The following PCDHA7 variants were observed in gnomAD, a reference collection of about 807,000 sequenced individuals.
PCDHA7 encodes the protein protocadherin alpha-7.
Under a neutral mutation model 57.2 loss-of-function variants are expected in PCDHA7, and 37 were observed. That is an observed-to-expected ratio of 0.65 (90% CI 0.50 to 0.85). The LOEUF (loss-of-function observed/expected upper bound fraction) is 0.85. Among genes scored for constraint, PCDHA7 ranks in the 40% least tolerant of loss-of-function variants. The pLI is 0.00. For missense variants in PCDHA7, 1,188 were observed against 1,241.8 expected (o/e 0.96, Z 0.65); for synonymous variants, 553 against 558.8 (o/e 0.99, Z 0.15).
At chr5:140,858,949 G>A in intron 1 of PCDHA7, 1 of 158,970 alleles carries the variant, frequency 6.3e-6, no homozygotes, top group Non-Finnish European at 1.4e-5. Flanking sequence ...AGTGATTACA[G>A]CTTTTTCTCA....
At chr5:140,884,260 G>C (rs781862611) in intron 1 of PCDHA7, 1 of 1,613,410 alleles carries the variant, frequency 6.2e-7, no homozygotes, top group Admixed American at 1.7e-5. Flanking sequence ...CCACGGCAAC[G>C]GTGCTGTTGT....
At chr5:140,870,659 T>C (rs2052268691) in intron 1 of PCDHA7, 2 of 1,612,520 alleles carry the variant, frequency 1.2e-6, no homozygotes, top group Non-Finnish European at 1.7e-6. Flanking sequence ...GTGTACGCGC[T>C]GCAGCCGTTG....
chr5:140,933,653 G>GTC (rs1245688430), intron 1 of PCDHA7, among the ~76,000 whole-genome samples: 13 of 151,864 alleles, frequency 8.6e-5, no homozygotes, highest in African/African-American at 2.7e-4. Flanking sequence ...TGGAAATCCT[G>GTC]TCTCTCTCTC....
intron 1 of PCDHA7, chr5:140,848,888 A>C: frequency 6.4e-7 from 1 of 1,564,652 alleles, no homozygotes; most frequent in South Asian, 1.1e-5. Flanking sequence ...ACAACCCTCC[A>C]GTGTTCCCAG....
intron 1 of PCDHA7, among the ~76,000 whole-genome samples, chr5:140,899,416 G>T (rs1442946841): frequency 6.6e-6 from 1 of 152,148 alleles, no homozygotes; most frequent in Admixed American, 6.5e-5. Flanking sequence ...GTTGAATTTT[G>T]TCAAAGGTCT....
At chr5:140,876,950 C>A in intron 1 of PCDHA7, 1 of 1,613,514 alleles carries the variant, frequency 6.2e-7, no homozygotes, top group Non-Finnish European at 8.5e-7. Context: ...GTGTCCTACT[C>A]GCTGGTGGAG....
chr5:140,870,546 G>T, intron 1 of PCDHA7: 1 of 1,614,086 alleles, frequency 6.2e-7, no homozygotes, highest in Non-Finnish European at 8.5e-7. Flanking sequence ...CGCGGGACGC[G>T]GACGCGCAGG....
chr5:140,957,968 T>C (rs1276763203), intron 1 of PCDHA7, among the ~76,000 whole-genome samples: 1 of 152,154 alleles, frequency 6.6e-6, no homozygotes, highest in Non-Finnish European at 1.5e-5. Flanking sequence ...TCAGAGATGC[T>C]GTATAAATAG....
chr5:141,008,437 C>T (rs1261106138), intron 3 of PCDHA7, among the ~76,000 whole-genome samples: 1 of 152,182 alleles, frequency 6.6e-6, no homozygotes. Context: ...TTTGCCCAGA[C>T]AGACCATTAC....
At chr5:140,949,383 T>C (rs2094373133) in intron 1 of PCDHA7, among the ~76,000 whole-genome samples, 1 of 151,882 alleles carries the variant, frequency 6.6e-6, no homozygotes, top group Non-Finnish European at 1.5e-5. Flanking sequence ...TATCAATTGC[T>C]CAGAGAGCAG....
chr5:140,971,541 G>C (rs544682624), intron 1 of PCDHA7, among the ~76,000 whole-genome samples: 1 of 152,290 alleles, frequency 6.6e-6, no homozygotes, highest in Non-Finnish European at 1.5e-5. Flanking sequence ...ATCATTGCCA[G>C]ATCAACCTGT....
At position 140,857,921 on chromosome 5, in the gene PCDHA7, C is replaced by A. The variant is rs1554150855; in HGVS notation, c.2355+21183C>A. On this transcript the variant is annotated intron_variant, in intron 1 of 3. Coordinates refer to ENST00000525929, the MANE Select transcript of PCDHA7 (RefSeq NM_018910.3). ...TGCACGCATCCCGTTTCGCGTGGGG[C>A]TGTACACGGGCGAGATCAGTACGAC... 4 of 1,597,628 alleles carry A rather than the reference C, an allele frequency of 2.5e-6. No homozygotes were observed. The Admixed American group carries it at 6.7e-5, about 27-fold the overall frequency.
At chr5:140,857,095 G>T (rs1253933979) in intron 1 of PCDHA7, 2 of 1,597,378 alleles carry the variant, frequency 1.3e-6, no homozygotes, top group Admixed American at 1.7e-5. Context: ...CACCTGAGGT[G>T]ATTGTCACTT....
chr5:140,968,813 A>T, intron 1 of PCDHA7: 2 of 1,614,194 alleles, frequency 1.2e-6, no homozygotes, highest in Non-Finnish European at 1.7e-6. Context: ...TGTGGTGGAT[A>T]GGGTTTCCAA....
Position 140,836,350 on chromosome 5 carries a change from A to G in PCDHA7, c.1967A>G (p.Glu656Gly). 6.2e-7 allele frequency: 1 copy of G among 1,613,636 alleles called. No homozygotes were observed. Among genetic ancestry groups the G allele is most frequent in the Non-Finnish European group, 8.5e-7 (1 of 1,179,816 alleles). ...CTGGTGCTTGTGAAGGACCACGGGGAGCCCTCGCTGACAGCCACAGCCACC... is the reference window on the plus strand; with the variant it reads ...CTGGTGCTTGTGAAGGACCACGGGGGGCCCTCGCTGACAGCCACAGCCACC... ...RLLVLVKDHGEPSLTATATVL... is the reference protein window; with the variant it reads ...RLLVLVKDHGGPSLTATATVL... Residue 656 changes from glutamate to glycine, a missense_variant, in exon 1 of 4, where the codon GAG becomes GGG. Around this residue, in one of 3 missense-constraint regions of PCDHA7, gnomAD observed 892 missense variants for 788.5 expected, o/e 1.13. Transcript: ENST00000525929.
chr5:140,962,389 G>A (rs551530521), intron 1 of PCDHA7, among the ~76,000 whole-genome samples: 3 of 152,170 alleles, frequency 2.0e-5, no homozygotes, highest in African/African-American at 4.8e-5. Context: ...TTAATATTAC[G>A]CAATCTGCCC....
At chr5:140,857,602 G>A in intron 1 of PCDHA7, 2 of 1,596,382 alleles carry the variant, frequency 1.3e-6, no homozygotes, top group Non-Finnish European at 8.6e-7. Context: ...AGGTGTACGC[G>A]CTGCAGCCGC....
intron 1 of PCDHA7, chr5:140,862,974 T>G: frequency 1.8e-6 from 1 of 545,638 alleles, no homozygotes; most frequent in Non-Finnish European, 3.6e-6. Flanking sequence ...GCAGGCCACT[T>G]GGTGGCGAAG....
intron 1 of PCDHA7, among the ~76,000 whole-genome samples, chr5:140,899,543 G>C (rs1231734616): frequency 1.3e-5 from 2 of 152,144 alleles, no homozygotes; most frequent in Non-Finnish European, 2.9e-5. Flanking sequence ...CTTGATCATG[G>C]TGGATAAGCT....
Sources: allele counts gnomAD v4.1 joint callset (sites outside exome capture counted in the v4.1 genomes callset), GRCh38; gene constraint gnomAD v4.1.1; regional missense constraint gnomAD v4.1.1; transcripts MANE v1.5; gene names NCBI Gene and HGNC (gene_info 2026-07-23, HGNC 2026-07-21).